Variants in CCBE1 observed in about 807,000 individuals in gnomAD.
The protein encoded by CCBE1 is collagen and calcium binding EGF domains 1.
Under a neutral mutation model 50.0 loss-of-function variants are expected in CCBE1, and 37 were observed. The ratio of observed to expected loss-of-function variants is 0.74; its 90% CI spans 0.57 to 0.97. The LOEUF (loss-of-function observed/expected upper bound fraction) is 0.97, where lower values mean the gene tolerates loss of function less well. Among genes scored for constraint, CCBE1 ranks in the 50% least tolerant of loss-of-function variants. The probability of loss-of-function intolerance (pLI) is 0.00; values close to 1 mark genes in which losing one functional copy is unlikely to be tolerated. For missense variants in CCBE1, 538 were observed against 523.8 expected, an observed-to-expected ratio of 1.03 and a Z score of -0.26; for synonymous variants, 234 against 203.7, an observed-to-expected ratio of 1.15 and a Z score of -1.27.
intron 2 of CCBE1, among the ~76,000 whole-genome samples, chr18:59,625,877 A>T (rs1212782755): frequency 4.6e-5 from 7 of 152,142 alleles, no homozygotes; most frequent in Admixed American, 4.6e-4. Context: ...CCATGTGAGG[A>T]CACCTACCCA....
chr18:59,580,542 T>C (rs1313173161), intron 2 of CCBE1, among the ~76,000 whole-genome samples: 5 of 152,176 alleles, frequency 3.3e-5, no homozygotes, highest in Non-Finnish European at 7.4e-5. Flanking sequence ...GTCTCAGATA[T>C]TCAGGGATCA....
intron 2 of CCBE1, among the ~76,000 whole-genome samples, chr18:59,546,791 C>T (rs936468425): frequency 6.6e-6 from 1 of 151,994 alleles, no homozygotes; most frequent in African/African-American, 2.4e-5. Context: ...TACTTCTAGG[C>T]TTTGTGTCTA....
intron 2 of CCBE1, among the ~76,000 whole-genome samples, chr18:59,657,949 G>A (rs1404667197): frequency 6.6e-6 from 1 of 152,028 alleles, no homozygotes; most frequent in African/African-American, 2.4e-5. Flanking sequence ...TTGGTTGTAA[G>A]GAGGCCACAT....
chr18:59,680,614 C>T (rs61579804), intron 2 of CCBE1, among the ~76,000 whole-genome samples: 5,734 of 151,646 alleles, frequency 0.038, 254 homozygotes, highest in African/African-American at 0.096. Context: ...AGGAGAATGG[C>T]GTGAACCCGG....
chr18:59,463,617 T>C (rs1212451875), intron 5 of CCBE1, among the ~76,000 whole-genome samples: 1 of 152,150 alleles, frequency 6.6e-6, no homozygotes, highest in African/African-American at 2.4e-5. Context: ...TCATTGCTAG[T>C]GATGGTTGGT....
At chr18:59,551,269 G>A (rs1202923332) in intron 2 of CCBE1, among the ~76,000 whole-genome samples, 1 of 152,080 alleles carries the variant, frequency 6.6e-6, no homozygotes, top group Non-Finnish European at 1.5e-5. Flanking sequence ...TAACACAATG[G>A]TAAGTATTTG....
At chr18:59,599,747 A>G (rs2053405875) in intron 2 of CCBE1, among the ~76,000 whole-genome samples, 1 of 152,254 alleles carries the variant, frequency 6.6e-6, no homozygotes, top group African/African-American at 2.4e-5. Context: ...TGAAGAATTA[A>G]TGCAGGCAAC....
intron 2 of CCBE1, among the ~76,000 whole-genome samples, chr18:59,651,757 G>A (rs1381075971): frequency 6.6e-6 from 1 of 152,216 alleles, no homozygotes; most frequent in Non-Finnish European, 1.5e-5. Context: ...AAGGCACTGG[G>A]CCCCACCTTG....
At chr18:59,517,639 A>G (rs1295407506) in intron 2 of CCBE1, among the ~76,000 whole-genome samples, 1 of 152,246 alleles carries the variant, frequency 6.6e-6, no homozygotes, top group Non-Finnish European at 1.5e-5. Context: ...GATTTGACAA[A>G]GCCATCAGTC....
intron 2 of CCBE1, among the ~76,000 whole-genome samples, chr18:59,643,442 C>G (rs12971245): frequency 0.45 from 68,686 of 151,970 alleles, 17,201 homozygotes; most frequent in Non-Finnish European, 0.56. Context: ...TGTGCAGGTC[C>G]TAACATCTGG....
At chr18:59,460,971 T>TAAATAAA (rs2143696990) in intron 5 of CCBE1, among the ~76,000 whole-genome samples, 2 of 96,302 alleles carry the variant, frequency 2.1e-5, no homozygotes, top group African/African-American at 6.8e-5. Flanking sequence ...AAATAAATAA[T>TAAATAAA]AAAATAAAAA....
At chr18:59,589,019 G>T (rs1356065101) in intron 2 of CCBE1, among the ~76,000 whole-genome samples, 8 of 152,218 alleles carry the variant, frequency 5.3e-5, no homozygotes, top group Non-Finnish European at 8.8e-5. Flanking sequence ...CCAGAGGGAG[G>T]ATGTCCTGAA....
At chr18:59,445,142 G>A (rs1403989112) in intron 7 of CCBE1, among the ~76,000 whole-genome samples, 5 of 152,044 alleles carry the variant, frequency 3.3e-5, no homozygotes, top group African/African-American at 1.2e-4. Context: ...TTTCCTCTAT[G>A]TTTTCTTCTA....
At chr18:59,547,192 C>T (rs1426371462) in intron 2 of CCBE1, among the ~76,000 whole-genome samples, 6 of 151,626 alleles carry the variant, frequency 4.0e-5, no homozygotes, top group Non-Finnish European at 8.8e-5. Flanking sequence ...CAATGGCTCA[C>T]GCCTGTAATC....
At chr18:59,551,704 A>C (rs1915936658) in intron 2 of CCBE1, among the ~76,000 whole-genome samples, 1 of 152,236 alleles carries the variant, frequency 6.6e-6, no homozygotes, top group Admixed American at 6.5e-5. Context: ...TAACATTTCC[A>C]GTGATTCAGG....
intron 2 of CCBE1, among the ~76,000 whole-genome samples, chr18:59,654,228 T>C (rs1271136950): frequency 1.3e-5 from 2 of 152,120 alleles, no homozygotes; most frequent in Non-Finnish European, 2.9e-5. Context: ...AAGTAATGTA[T>C]GATGGAAATA....
intron 2 of CCBE1, among the ~76,000 whole-genome samples, chr18:59,587,288 A>AAT (rs2053191995): frequency 6.6e-6 from 1 of 152,220 alleles, no homozygotes; most frequent in African/African-American, 2.4e-5. Flanking sequence ...AGCAACAAAG[A>AAT]ATATATTGTG....
At chr18:59,466,109 T>TTA (rs1911728141) in intron 5 of CCBE1, among the ~76,000 whole-genome samples, 1 of 152,094 alleles carries the variant, frequency 6.6e-6, no homozygotes, top group Non-Finnish European at 1.5e-5. Flanking sequence ...AAAATATATG[T>TTA]TATATATATT....
At chr18:59,553,103 A>G (rs1915987690) in intron 2 of CCBE1, among the ~76,000 whole-genome samples, 1 of 152,218 alleles carries the variant, frequency 6.6e-6, no homozygotes, top group South Asian at 2.1e-4. Flanking sequence ...TGTGTACAGA[A>G]GGTTGCCCAT....
Sources: gnomAD v4.1 joint callset for allele counts (sites outside exome capture counted in the v4.1 genomes callset) on GRCh38, gnomAD v4.1.1 for gene constraint, MANE v1.5 for transcripts, NCBI Gene and HGNC (gene_info 2026-07-23, HGNC 2026-07-21) for gene names.